The following ABRAXAS2 variants were observed in gnomAD, a reference collection of about 807,000 sequenced individuals.
ABRAXAS2 encodes the protein BRISC complex subunit Abraxas 2.
In ABRAXAS2, 23 loss-of-function variants were observed where a neutral mutation model predicts 49.0. The observed-to-expected ratio is 0.47, with a 90% CI of 0.34 to 0.66. ABRAXAS2 has a LOEUF of 0.66. Among genes scored for constraint, ABRAXAS2 ranks in the 30% least tolerant of loss-of-function variants. ABRAXAS2 has a pLI of 0.01. For missense variants in ABRAXAS2, 443 were observed against 511.9 expected, an observed-to-expected ratio of 0.87 and a Z score of 1.30; for synonymous variants, 168 against 180.2, an observed-to-expected ratio of 0.93 and a Z score of 0.54.
chr10:124,832,161 T>C (rs1166508108), intron 8 of ABRAXAS2, among the ~76,000 whole-genome samples: 2 of 152,042 alleles, frequency 1.3e-5, no homozygotes, highest in African/African-American at 2.4e-5. Flanking sequence ...ACCTAGTCTG[T>C]GTCCTGTTTT....
Position 124,834,866 on chromosome 10 carries a change from T to C in ABRAXAS2, c.1143T>C (p.Ile381=). The C allele has an allele frequency of 6.2e-7, 1 of 1,614,140 alleles. No homozygotes were observed. Among genetic ancestry groups the C allele is most frequent in the East Asian group, 2.2e-5 (1 of 44,892 alleles). Residue 381 remains isoleucine, a synonymous_variant, in exon 9 of 9, where the codon ATT becomes ATC. Transcript: ENST00000298492. ...DSDDSDYENL[I]DPTEPSNSEY... ...ACGACAGTGATTATGAAAATTTGAT[T>C]GACCCTACAGAGCCTTCTAATAGTG...
In ABRAXAS2 at chr10:124,834,704, G is replaced by A. The variant is rs771613987; in HGVS notation, c.981G>A (p.Arg327=). The stretch of plus-strand genomic sequence containing the variant: ...CTTTGAGCCACTCTCGCATGGAAAG[G>A]AGTGTCTTTATGCCTCGACCTCAAG... ...ESTLSHSRME[R]SVFMPRPQAV... is the part of the protein sequence containing the mutation. Residue 327 remains arginine (R), a synonymous_variant, in exon 9 of 9, where the codon AGG becomes AGA. Coordinates refer to ENST00000298492, the MANE Select transcript of ABRAXAS2 (RefSeq NM_032182.4). 6.2e-7 allele frequency: 1 copy of A among 1,614,144 alleles called. No individual in the cohort carries two copies. The highest frequency in any genetic ancestry group is 2.2e-5 in the East Asian group (1 of 44,882).
chr10:124,818,051 A>G (rs190756002), intron 3 of ABRAXAS2, among the ~76,000 whole-genome samples: 6 of 152,278 alleles, frequency 3.9e-5, no homozygotes, highest in Non-Finnish European at 8.8e-5. Context: ...TCAGGAATTC[A>G]TTAAAATACT....
chr10:124,820,462 T>G (rs1950855274), intron 4 of ABRAXAS2, among the ~76,000 whole-genome samples: 1 of 152,148 alleles, frequency 6.6e-6, no homozygotes, highest in South Asian at 2.1e-4. Context: ...AAATTATGAA[T>G]CTTCATTATA....
intron 4 of ABRAXAS2, among the ~76,000 whole-genome samples, chr10:124,824,396 A>G (rs894542275): frequency 3.3e-5 from 5 of 151,948 alleles, no homozygotes; most frequent in Non-Finnish European, 5.9e-5. Context: ...GGTTGTGGCA[A>G]TACACTCCTG....
rs1414696954 is a variant in ABRAXAS2, at chr10:124,828,873, T to C, written c.576T>C (p.His192=). 1.2e-6 allele frequency: 2 copies of C among 1,613,130 alleles called. No individual in the cohort carries two copies. The highest frequency in any genetic ancestry group is 2.2e-5 in the South Asian group (2 of 90,964). ...SQSYAKVIKE[H]GTDFFDKDGV... The stretch of plus-strand genomic sequence containing the variant: ...GTTATGCCAAAGTGATTAAAGAACA[T>C]GGGTAAGTTGAAAGGTAAAGTGCTA... The change falls in exon 6 of 9, where the codon CAT becomes CAC. Residue 192 remains histidine, a splice_region_variant and synonymous_variant. Coordinates refer to ENST00000298492, the MANE Select transcript of ABRAXAS2 (RefSeq NM_032182.4).
intron 2 of ABRAXAS2, among the ~76,000 whole-genome samples, chr10:124,810,865 G>A (rs188054662): frequency 6.6e-6 from 1 of 151,534 alleles, no homozygotes; most frequent in Admixed American, 6.6e-5. Context: ...ACAGGCGTGA[G>A]CGACCACGCT....
rs762892551 is a variant in ABRAXAS2 at position 124,826,679 on chromosome 10, C to G, written c.352C>G (p.Arg118Gly). Residue 118 changes from arginine (R) to glycine (G), a missense_variant, in exon 5 of 9, where the codon CGC becomes GGC. Around this residue, in one of 3 missense-constraint regions of ABRAXAS2, gnomAD observed 166 missense variants for 247.3 expected, o/e 0.67. Transcript: ENST00000298492. ...GCAGGTTCTTCACAAGCAGCTCACCCGCATCCTCGGCGTGCCCGACCTCGT... is the reference window on the plus strand; with the variant it reads ...GCAGGTTCTTCACAAGCAGCTCACCGGCATCCTCGGCGTGCCCGACCTCGT... ...REQVLHKQLT[R>G]ILGVPDLVFL... 1.3e-5 allele frequency: 21 copies of G among 1,614,208 alleles called. No individual in the cohort carries two copies. The highest frequency in any genetic ancestry group is 1.3e-5 in the Non-Finnish European group (15 of 1,180,032).
At chr10:124,811,908 G>A (rs1236350692) in intron 2 of ABRAXAS2, among the ~76,000 whole-genome samples, 2 of 152,172 alleles carry the variant, frequency 1.3e-5, no homozygotes, top group South Asian at 2.1e-4. Flanking sequence ...CTCCCAAGTA[G>A]CTGGGGTTAC....
rs1950928313 is a variant in ABRAXAS2, at chr10:124,830,847, T to C, written c.664-502T>C. Reference sequence around the variant, plus strand: ...CATAGAGTGTTCTCAGGATTATAAATAGCTAAATTACACAGATGTAGTCTC... The same window carrying C: ...CATAGAGTGTTCTCAGGATTATAAACAGCTAAATTACACAGATGTAGTCTC... On this transcript the variant is annotated intron_variant, in intron 7 of 8. Coordinates refer to ENST00000298492, the MANE Select transcript of ABRAXAS2 (RefSeq NM_032182.4). Among the ~76,000 whole-genome samples the C allele has an allele frequency of 2.0e-5, 3 of 152,262 alleles. No individual in the cohort carries two copies. In the South Asian group the frequency reaches 6.2e-4, roughly 32 times the overall value.
chr10:124,803,945 G>A (rs2048499732), intron 1 of ABRAXAS2, among the ~76,000 whole-genome samples: 2 of 152,110 alleles, frequency 1.3e-5, no homozygotes, highest in South Asian at 4.1e-4. Flanking sequence ...ACATTAATAA[G>A]CATTAGGCTG....
At chr10:124,819,356 TA>T (rs750783193) in intron 3 of ABRAXAS2, 27 bp from the exon 4 acceptor site, 16 of 1,590,734 alleles carry the variant, frequency 1.0e-5, no homozygotes, top group Non-Finnish European at 8.6e-7. Context: ...TATGTGGTGT[TA>T]GTACAAGATT....
At position 124,821,102 on chromosome 10, in the gene ABRAXAS2, G is replaced by A. The variant is rs115050042; in HGVS notation, c.267+1652G>A. Among the ~76,000 whole-genome samples the A allele has an allele frequency of 2.4e-3, 360 of 151,728 alleles. 2 individuals carry two copies. The highest frequency in any genetic ancestry group is 8.1e-3 in the African/African-American group (335 of 41,414). ...CTAATTTTTTGTTTTTAGTACAAAC[G>A]GGGTTTTGCCATGTTGCTCAGGCTG... On this transcript the variant is annotated intron_variant, in intron 4 of 8. Transcript: ENST00000298492.
rs55864042 is a variant in ABRAXAS2, at chr10:124,836,451, AC to A, written c.*1482del. 134,970 of 152,218 alleles carry A rather than the reference AC, an allele frequency of 0.89. 61,887 individuals are homozygous for A. Among genetic ancestry groups the A allele is most frequent in the Non-Finnish European group, 1 (67,805 of 68,034 alleles). 9.4% of individuals were successfully genotyped at this position (152,218 alleles called of 1,614,324 possible). The stretch of plus-strand genomic sequence containing the variant: ...TGCCATTTGATTTAAAACGCTGCAG[AC>A]CACTTTATCTGCAAATGTGTTCCAG... On this transcript the variant is annotated 3_prime_UTR_variant, in exon 9 of 9. Transcript: ENST00000298492.
intron 2 of ABRAXAS2, among the ~76,000 whole-genome samples, chr10:124,815,857 G>C (rs964864265): frequency 5.4e-5 from 8 of 148,378 alleles, no homozygotes; most frequent in African/African-American, 2.0e-4. Flanking sequence ...GGGTGAGGGT[G>C]GTTAAGGCCC....
At chr10:124,824,405 T>C (rs1950884190) in intron 4 of ABRAXAS2, among the ~76,000 whole-genome samples, 1 of 152,000 alleles carries the variant, frequency 6.6e-6, no homozygotes, top group African/African-American at 2.4e-5. Flanking sequence ...AATACACTCC[T>C]GTAATCCCAG....
At chr10:124,828,393 G>A (rs1950910016) in intron 5 of ABRAXAS2, among the ~76,000 whole-genome samples, 1 of 151,958 alleles carries the variant, frequency 6.6e-6, no homozygotes, top group African/African-American at 2.4e-5. Flanking sequence ...TAGAGATACA[G>A]TCTTGCTGTT....
At chr10:124,820,620 T>C (rs1485069862) in intron 4 of ABRAXAS2, among the ~76,000 whole-genome samples, 1 of 152,098 alleles carries the variant, frequency 6.6e-6, no homozygotes, top group Non-Finnish European at 1.5e-5. Flanking sequence ...TAGCTGGGAC[T>C]ACAGGGGTGC....
chr10:124,821,507 A>C (rs1950861324), intron 4 of ABRAXAS2, among the ~76,000 whole-genome samples: 1 of 151,918 alleles, frequency 6.6e-6, no homozygotes, highest in Non-Finnish European at 1.5e-5. Context: ...CAGAGTTTGC[A>C]GTGAGCTGAG....
Sources: allele counts gnomAD v4.1 joint callset (sites outside exome capture counted in the v4.1 genomes callset), GRCh38; gene constraint gnomAD v4.1.1; regional missense constraint gnomAD v4.1.1; transcripts MANE v1.5; gene names NCBI Gene and HGNC (gene_info 2026-07-23, HGNC 2026-07-21).